The following GRK5 variants were observed in gnomAD, a reference collection of about 807,000 sequenced individuals.
GRK5 encodes G protein-coupled receptor kinase 5.
Under a neutral mutation model 78.4 loss-of-function variants are expected in GRK5, and 40 were observed. The observed-to-expected ratio is 0.51, with a 90% CI of 0.40 to 0.66. The LOEUF (loss-of-function observed/expected upper bound fraction) is 0.66, where lower values mean the gene tolerates loss of function less well. GRK5 is among the 30% of genes least tolerant of loss of function. The probability of loss-of-function intolerance (pLI) is 0.00; values close to 1 mark genes in which losing one functional copy is unlikely to be tolerated. For missense variants in GRK5, 598 were observed against 759.9 expected, an observed-to-expected ratio of 0.79 and a Z score of 2.50; for synonymous variants, 289 against 296.8, an observed-to-expected ratio of 0.97 and a Z score of 0.27.
At chr10:119,358,514 G>A (rs150524026) in intron 2 of GRK5, among the ~76,000 whole-genome samples, 6 of 152,248 alleles carry the variant, frequency 3.9e-5, no homozygotes, top group Non-Finnish European at 5.9e-5. Context: ...GAATTGAGGC[G>A]TGCATGGTGC....
intron 2 of GRK5, among the ~76,000 whole-genome samples, chr10:119,369,134 C>G (rs902905067): frequency 6.6e-6 from 1 of 152,132 alleles, no homozygotes; most frequent in African/African-American, 2.4e-5. Flanking sequence ...ACCTAGGGAG[C>G]TTTTTAAGAA....
chr10:119,333,783 G>A (rs774483177), intron 2 of GRK5: 8 of 532,790 alleles, frequency 1.5e-5, no homozygotes, highest in Admixed American at 1.9e-5. Flanking sequence ...TGAGCGGATC[G>A]CTGATCTCCT....
intron 1 of GRK5, among the ~76,000 whole-genome samples, chr10:119,283,991 C>T (rs1849805765): frequency 6.6e-6 from 1 of 152,198 alleles, no homozygotes; most frequent in Non-Finnish European, 1.5e-5. Context: ...ATTGATTCCT[C>T]CCCAGCTCTG....
At position 119,324,172 on chromosome 10, in the gene GRK5, A is replaced by G. The variant is rs78427787; in HGVS notation, c.53-2344A>G. 2.9e-3 allele frequency among the ~76,000 whole-genome samples: 444 copies of G among 152,354 alleles called. 2 individuals are homozygous for G. The highest frequency in any genetic ancestry group is 0.01 in the African/African-American group (425 of 41,588). ...AATTTCTCTTGTATTCAGGGCACCC[A>G]AAATGGTGGTTTACAGAGAGAATAG... On this transcript the variant is annotated intron_variant, in intron 1 of 15. Transcript: ENST00000392870.
chr10:119,394,195 GGGGTGT>G (rs1851946149), intron 3 of GRK5, among the ~76,000 whole-genome samples: 1 of 22,302 alleles, frequency 4.5e-5, no homozygotes, highest in African/African-American at 1.5e-4. Flanking sequence ...TCTGTGTATG[GGGGTGT>G]GTATCTGTGT....
intron 2 of GRK5, among the ~76,000 whole-genome samples, chr10:119,345,043 A>G (rs1172078645): frequency 6.7e-6 from 1 of 149,856 alleles, no homozygotes; most frequent in Admixed American, 6.7e-5. Flanking sequence ...ATCTCGGCTC[A>G]CTGCAACCTC....
chr10:119,279,745 G>A (rs1474231447), intron 1 of GRK5, among the ~76,000 whole-genome samples: 4 of 152,272 alleles, frequency 2.6e-5, no homozygotes, highest in Non-Finnish European at 5.9e-5. Context: ...ACTGATGTGC[G>A]TGCCAGTAAC....
intron 4 of GRK5, among the ~76,000 whole-genome samples, chr10:119,399,206 A>G (rs778648291): frequency 6.6e-6 from 1 of 152,194 alleles, no homozygotes; most frequent in Non-Finnish European, 1.5e-5. Context: ...AAGCCACACC[A>G]TATGTTACGG....
intron 4 of GRK5, among the ~76,000 whole-genome samples, chr10:119,411,849 T>TTTTTTTTTTTTG (rs1852344945): frequency 3.0e-5 from 1 of 33,268 alleles, no homozygotes; most frequent in South Asian, 1.1e-3. Flanking sequence ...CTTCTTTTTT[T>TTTTTTTTTTTTG]TTTTTTTTTT....
chr10:119,223,832 T>TAAAAGTAAACC (rs1234593756), intron 1 of GRK5, among the ~76,000 whole-genome samples: 5 of 151,942 alleles, frequency 3.3e-5, no homozygotes, highest in African/African-American at 1.2e-4. Context: ...AACGAGATGC[T>TAAAAGTAAACC]AAAAGTAAAC....
intron 4 of GRK5, among the ~76,000 whole-genome samples, chr10:119,410,982 G>A (rs1418099620): frequency 6.6e-6 from 1 of 151,434 alleles, no homozygotes; most frequent in Non-Finnish European, 1.5e-5. Flanking sequence ...GGCCAACAGA[G>A]TTGGTCTCTG....
At chr10:119,448,752 A>G (rs1853212651) in intron 13 of GRK5, among the ~76,000 whole-genome samples, 1 of 152,182 alleles carries the variant, frequency 6.6e-6, no homozygotes, top group African/African-American at 2.4e-5. Flanking sequence ...CCAGCAGCTC[A>G]CATTGCAGGG....
intron 1 of GRK5, among the ~76,000 whole-genome samples, chr10:119,221,073 G>C (rs962774430): frequency 2.7e-5 from 4 of 145,566 alleles, no homozygotes; most frequent in Non-Finnish European, 6.0e-5. Flanking sequence ...AGAGAATGGC[G>C]TGAACCCGGG....
intron 1 of GRK5, among the ~76,000 whole-genome samples, chr10:119,310,731 G>C (rs1850343918): frequency 6.6e-6 from 1 of 152,272 alleles, no homozygotes; most frequent in African/African-American, 2.4e-5. Context: ...AGAGCAAGAG[G>C]GCTTAACATG....
chr10:119,439,631 G>A lies in GRK5; in HGVS notation c.930-100G>A, dbSNP rs1361951687. 9 of 1,043,712 alleles carry A rather than the reference G, an allele frequency of 8.6e-6. No homozygotes were observed. The East Asian group carries it at 2.2e-4, about 26-fold the overall frequency. The allele number at this position is 1,043,712 out of a possible 1,614,324, so 64.7% of individuals were successfully genotyped here. ...GGAGGTGGGAAGGAAACACACTGTG[G>A]CCACTCAGGCCTGATTAGCCCGAGG... On this transcript the variant is annotated intron_variant, in intron 9 of 15. Transcript: ENST00000392870.
intron 2 of GRK5, among the ~76,000 whole-genome samples, chr10:119,345,246 G>A (rs1016098166): frequency 3.3e-5 from 5 of 152,182 alleles, no homozygotes; most frequent in African/African-American, 1.2e-4. Flanking sequence ...GGGATTACAG[G>A]CGTGAGCCAC....
chr10:119,297,341 A>C (rs1420909883), intron 1 of GRK5, among the ~76,000 whole-genome samples: 1 of 152,206 alleles, frequency 6.6e-6, no homozygotes, highest in Non-Finnish European at 1.5e-5. Flanking sequence ...CACTATCACC[A>C]TAATTGTCAT....
At chr10:119,291,918 T>C (rs1367386167) in intron 1 of GRK5, among the ~76,000 whole-genome samples, 4 of 138,484 alleles carry the variant, frequency 2.9e-5, no homozygotes, top group African/African-American at 5.4e-5. Context: ...CCTCCTCTTC[T>C]TCTTCCTCCT....
At chr10:119,363,946 G>A (rs183726768) in intron 2 of GRK5, among the ~76,000 whole-genome samples, 1 of 152,324 alleles carries the variant, frequency 6.6e-6, no homozygotes, top group South Asian at 2.1e-4. Context: ...GCTGGGATAT[G>A]CGTCCAGGAG....
Sources: gnomAD v4.1 joint callset for allele counts (sites outside exome capture counted in the v4.1 genomes callset) on GRCh38, gnomAD v4.1.1 for gene constraint, MANE v1.5 for transcripts, NCBI Gene and HGNC (gene_info 2026-07-23, HGNC 2026-07-21) for gene names.